The following PTPRO variants were observed in gnomAD, a reference collection of about 807,000 sequenced individuals.
The protein encoded by PTPRO is protein tyrosine phosphatase receptor type O.
Under a neutral mutation model 145.2 loss-of-function variants are expected in PTPRO, and 62 were observed. The observed-to-expected ratio is 0.43, with a 90% CI of 0.35 to 0.53. The LOEUF (loss-of-function observed/expected upper bound fraction) is 0.53, where lower values mean the gene tolerates loss of function less well. PTPRO is among the 20% of genes least tolerant of loss of function. The probability of loss-of-function intolerance (pLI) is 0.01; values close to 1 mark genes in which losing one functional copy is unlikely to be tolerated. For missense variants in PTPRO, 1,345 were observed against 1,482.7 expected, an observed-to-expected ratio of 0.91 and a Z score of 1.53; for synonymous variants, 565 against 514.7, an observed-to-expected ratio of 1.10 and a Z score of -1.32.
intron 3 of PTPRO, among the ~76,000 whole-genome samples, chr12:15,497,671 G>A (rs1277550673): frequency 6.6e-6 from 1 of 152,226 alleles, no homozygotes; most frequent in Admixed American, 6.5e-5. Flanking sequence ...CCCTAAGGCA[G>A]CATGCCTGGT....
chr12:15,591,706 T>C (rs1225918053), intron 25 of PTPRO, among the ~76,000 whole-genome samples: 3 of 151,800 alleles, frequency 2.0e-5, no homozygotes, highest in Non-Finnish European at 2.9e-5. Context: ...CTACTAAAAA[T>C]ACAAAAATTA....
At chr12:15,401,995 G>T (rs1186626105) in intron 1 of PTPRO, among the ~76,000 whole-genome samples, 9 of 152,200 alleles carry the variant, frequency 5.9e-5, no homozygotes, top group Admixed American at 2.0e-4. Context: ...TTGGTGCCCA[G>T]ATGGGGATTT....
chr12:15,354,832 G>C (rs1257277881), intron 1 of PTPRO, among the ~76,000 whole-genome samples: 1 of 152,162 alleles, frequency 6.6e-6, no homozygotes, highest in East Asian at 1.9e-4. Context: ...CCAAGCAAAT[G>C]AGTTTGATTC....
intron 1 of PTPRO, among the ~76,000 whole-genome samples, chr12:15,370,007 G>T (rs191251386): frequency 6.6e-6 from 1 of 151,986 alleles, no homozygotes; most frequent in African/African-American, 2.4e-5. Flanking sequence ...AGACGAGATC[G>T]CCCCACTCCA....
intron 2 of PTPRO, among the ~76,000 whole-genome samples, chr12:15,486,683 C>G (rs1437116772): frequency 6.6e-6 from 1 of 151,918 alleles, no homozygotes; most frequent in African/African-American, 2.4e-5. Context: ...AATCAATATA[C>G]ATATTTACAC....
At chr12:15,432,249 C>T (rs1233059778) in intron 1 of PTPRO, among the ~76,000 whole-genome samples, 4 of 152,148 alleles carry the variant, frequency 2.6e-5, no homozygotes, top group African/African-American at 9.7e-5. Flanking sequence ...TGAGAACATG[C>T]AGTATTTGGT....
intron 1 of PTPRO, among the ~76,000 whole-genome samples, chr12:15,457,728 A>T (rs986666732): frequency 6.6e-6 from 1 of 152,172 alleles, no homozygotes; most frequent in African/African-American, 2.4e-5. Flanking sequence ...CTTATTTTCA[A>T]TCACATACAA....
At chr12:15,368,121 T>C (rs868183522) in intron 1 of PTPRO, among the ~76,000 whole-genome samples, 23 of 152,280 alleles carry the variant, frequency 1.5e-4, no homozygotes, top group Admixed American at 1.3e-4. Flanking sequence ...GGGTCTGGAC[T>C]CCTCCGTGTT....
At chr12:15,427,290 T>G (rs1940310912) in intron 1 of PTPRO, among the ~76,000 whole-genome samples, 1 of 152,046 alleles carries the variant, frequency 6.6e-6, no homozygotes, top group Non-Finnish European at 1.5e-5. Flanking sequence ...ATGCCTCATG[T>G]TTTGGGAGTT....
At chr12:15,443,545 A>G (rs888799882) in intron 1 of PTPRO, among the ~76,000 whole-genome samples, 2 of 152,214 alleles carry the variant, frequency 1.3e-5, no homozygotes, top group Non-Finnish European at 2.9e-5. Context: ...AGAAACTATC[A>G]ACAGAGTAAA....
intron 1 of PTPRO, among the ~76,000 whole-genome samples, chr12:15,367,858 T>A (rs748504841): frequency 6.6e-6 from 1 of 152,092 alleles, no homozygotes; most frequent in Non-Finnish European, 1.5e-5. Context: ...ACCACCATGC[T>A]CGTAACTTTC....
chr12:15,404,406 C>T (rs1039644573), intron 1 of PTPRO, among the ~76,000 whole-genome samples: 1 of 152,064 alleles, frequency 6.6e-6, no homozygotes, highest in Non-Finnish European at 1.5e-5. Flanking sequence ...ATTGGCTATA[C>T]ATAATTTGTC....
At position 15,335,293 on chromosome 12, in the gene PTPRO, A is replaced by C. The variant is rs76659894; in HGVS notation, c.75+12492A>C. ...TTCGTGAATGTTAAGTTGATTAATA[A>C]GATAAATAGTAAAAGACCGAGGGAA... On this transcript the variant is annotated intron_variant, in intron 1 of 26. Transcript: ENST00000281171. Among the ~76,000 whole-genome samples, 541 of 152,228 alleles carry C rather than the reference A, an allele frequency of 3.6e-3. 7 individuals carry two copies. Among genetic ancestry groups the C allele is most frequent in the African/African-American group, 0.012 (508 of 41,578 alleles).
intron 1 of PTPRO, among the ~76,000 whole-genome samples, chr12:15,433,915 C>T (rs1940523625): frequency 6.6e-6 from 1 of 152,020 alleles, no homozygotes; most frequent in Non-Finnish European, 1.5e-5. Flanking sequence ...TAGTTAGCAG[C>T]TTGTTTTTGT....
At chr12:15,356,431 T>A (rs1591735248) in intron 1 of PTPRO, among the ~76,000 whole-genome samples, 1 of 152,322 alleles carries the variant, frequency 6.6e-6, no homozygotes, top group South Asian at 2.1e-4. Context: ...TATCTCATAT[T>A]TGCTGATTTT....
intron 12 of PTPRO, among the ~76,000 whole-genome samples, chr12:15,536,490 C>T (rs545942881): frequency 6.6e-5 from 10 of 152,134 alleles, no homozygotes; most frequent in Non-Finnish European, 1.2e-4. Flanking sequence ...TGCAATGGAA[C>T]AAACAAGGTA....
intron 1 of PTPRO, among the ~76,000 whole-genome samples, chr12:15,460,125 T>G (rs1473572021): frequency 6.6e-6 from 1 of 152,176 alleles, no homozygotes; most frequent in Non-Finnish European, 1.5e-5. Context: ...TTTGAGTCAA[T>G]AAACAAGAAT....
chr12:15,503,034 T>C (rs1942252811), intron 5 of PTPRO, among the ~76,000 whole-genome samples: 1 of 152,174 alleles, frequency 6.6e-6, no homozygotes, highest in Admixed American at 6.5e-5. Flanking sequence ...CATTCAACCA[T>C]ACCCAAATAT....
At chr12:15,503,143 G>C (rs1373218465) in intron 5 of PTPRO, among the ~76,000 whole-genome samples, 1 of 151,648 alleles carries the variant, frequency 6.6e-6, no homozygotes, top group Non-Finnish European at 1.5e-5. Flanking sequence ...TTATTTTTCT[G>C]TTCCTAAATA....
Sources: gnomAD v4.1 joint callset for allele counts (sites outside exome capture counted in the v4.1 genomes callset) on GRCh38, gnomAD v4.1.1 for gene constraint, MANE v1.5 for transcripts, NCBI Gene and HGNC (gene_info 2026-07-23, HGNC 2026-07-21) for gene names.